Variants in NCKIPSD observed in about 807,000 individuals in gnomAD.
The protein encoded by NCKIPSD is NCK interacting protein with SH3 domain, also known as NCK-interacting protein with SH3 domain.
A neutral mutation model predicts 73.4 loss-of-function variants in NCKIPSD; 48 were observed. The observed-to-expected ratio is 0.65, with a 90% confidence interval of 0.52 to 0.83. NCKIPSD has a LOEUF of 0.83. Ranked by LOEUF, NCKIPSD falls within the 40% of genes least tolerant of loss-of-function variation. The pLI is 0.00. For missense variants in NCKIPSD, 884 were observed against 970.2 expected (o/e 0.91, Z 1.18); for synonymous variants, 422 against 403.6 (o/e 1.05, Z -0.54).
At chr3:48,679,915 A>G in intron 6 of NCKIPSD, 28 bp from the exon 7 acceptor site, 1 of 1,613,890 alleles carries the variant, frequency 6.2e-7, no homozygotes. Context: ...TGAGAGCATC[A>G]GCCACCATGA....
At chr3:48,683,674 G>A (rs914815741) in intron 1 of NCKIPSD, among the ~76,000 whole-genome samples, 3 of 152,198 alleles carry the variant, frequency 2.0e-5, no homozygotes, top group South Asian at 2.1e-4. Flanking sequence ...CCTAGCCCCT[G>A]TTCCAGGCTC....
At chr3:48,675,901 T>C (rs1196937672) in intron 12 of NCKIPSD, among the ~76,000 whole-genome samples, 1 of 152,156 alleles carries the variant, frequency 6.6e-6, no homozygotes, top group Non-Finnish European at 1.5e-5. Flanking sequence ...ACTGACCTGA[T>C]GTCTGCTTCC....
chr3:48,682,777 G>A (rs908970069), intron 2 of NCKIPSD, 126 bp downstream of exon 2: 39 of 1,375,584 alleles, frequency 2.8e-5, no homozygotes, highest in Non-Finnish European at 3.4e-5. Flanking sequence ...ACTGGGAGGT[G>A]CCATTCCCCC....
chr3:48,676,866 G>C (rs1229064545), intron 12 of NCKIPSD, among the ~76,000 whole-genome samples: 1 of 151,496 alleles, frequency 6.6e-6, no homozygotes, highest in Non-Finnish European at 1.5e-5. Context: ...CACCTCCCGG[G>C]TTCAAGCAAT....
In NCKIPSD at chr3:48,681,631, C is replaced by T; in HGVS notation, c.748G>A (p.Gly250Ser). ...ACTTGGGACACGGTGGTGTGGGTGCCTCGGCGGGGCACAGGTGGGGGTGTG... is the reference window on the plus strand; with the variant it reads ...ACTTGGGACACGGTGGTGTGGGTGCTTCGGCGGGGCACAGGTGGGGGTGTG... ...SPTPPPVPRR[G>S]THTTVSQVQP... is the part of the protein sequence containing the mutation. Residue 250 changes from glycine (G) to serine (S), a missense_variant, in exon 5 of 13, where the codon GGC (glycine) becomes AGC (serine). Transcript: ENST00000294129. The T allele has an allele frequency of 1.9e-6, 3 of 1,613,378 alleles. No individual in the cohort carries two copies.
At position 48,680,266 on chromosome 3, in the gene NCKIPSD, C is replaced by G. The variant is rs138333298; in HGVS notation, c.1093-37G>C. On this transcript the variant is annotated intron_variant, in intron 5 of 12. Coordinates refer to ENST00000294129, the MANE Select transcript of NCKIPSD (RefSeq NM_016453.4). Reference sequence around the variant, plus strand: ...GGGCAAGGCATGACTCAGCACACTCCCTGCCCTCACCATCTCCAGGGAGCC... The same window carrying G: ...GGGCAAGGCATGACTCAGCACACTCGCTGCCCTCACCATCTCCAGGGAGCC... 96 of 1,534,884 alleles carry G rather than the reference C, an allele frequency of 6.3e-5. 1 individual carries two copies. In the African/African-American group the frequency reaches 1.3e-3, roughly 20 times the overall value.
At position 48,674,414 on chromosome 3, in the gene NCKIPSD, T is replaced by TGG. The variant is rs1179882713; in HGVS notation, c.*128_*129dup. On this transcript the variant is annotated 3_prime_UTR_variant, in exon 13 of 13. Coordinates refer to ENST00000294129, the MANE Select transcript of NCKIPSD (RefSeq NM_016453.4). ...CCCCTCTCTTAAGTTCTACTTCAGG[T>TGG]GGGGGTCCTGCTCAGGTTCCTTCTG... The TGG allele has an allele frequency of 6.8e-7, 1 of 1,466,634 alleles. No homozygotes were observed. Among genetic ancestry groups the TGG allele is most frequent in the Non-Finnish European group, 9.0e-7 (1 of 1,109,312 alleles). 90.9% of individuals were successfully genotyped at this position (1,466,634 alleles called of 1,614,324 possible). A position where few individuals can be genotyped will look rare whatever the true frequency, so the allele number is the denominator to read the frequency against.
Position 48,680,090 on chromosome 3 carries a change from C to T in NCKIPSD, c.1232G>A (p.Arg411His), listed in dbSNP as rs146581696. The T allele has an allele frequency of 5.0e-6, 8 of 1,613,466 alleles. No homozygotes were observed. The highest frequency in any genetic ancestry group is 4.0e-5 in the African/African-American group (3 of 74,946). ...ATGCAGCAGCTCCTCTAGGTAGCAG[C>T]GGATGACACCCTCATCCTCATATAG... The part of the protein sequence containing the change: ...WALYEDEGVI[R>H]CYLEELLHIL... Residue 411 changes from arginine (R) to histidine (H), a missense_variant, in exon 6 of 13, where the codon CGC becomes CAC. Physicochemically the swap from Arg to His is conservative, Grantham distance 29. Transcript: ENST00000294129.
intron 1 of NCKIPSD, among the ~76,000 whole-genome samples, chr3:48,685,049 A>G (rs2077413196): frequency 6.6e-6 from 1 of 151,044 alleles, no homozygotes. Flanking sequence ...TACATAGGGG[A>G]TGGAGGTGTC....
Position 48,674,447 on chromosome 3 carries a change from A to T in NCKIPSD, c.*97T>A. 1.3e-6 allele frequency: 2 copies of T among 1,494,972 alleles called. No homozygotes were observed. The highest frequency in any genetic ancestry group is 1.8e-6 in the Non-Finnish European group (2 of 1,121,162). The allele number at this position is 1,494,972 out of a possible 1,614,324, so 92.6% of individuals were successfully genotyped here. ...CTGCTCAGGTTCCTTCTGCCACCTT[A>T]TCCCCTCCCACTGTCAGTGCAAAAC... On this transcript the variant is annotated 3_prime_UTR_variant, in exon 13 of 13. Transcript: ENST00000294129.
At chr3:48,684,425 C>T (rs2077403751) in intron 1 of NCKIPSD, among the ~76,000 whole-genome samples, 2 of 152,188 alleles carry the variant, frequency 1.3e-5, no homozygotes, top group Non-Finnish European at 2.9e-5. Context: ...CACACAGCAG[C>T]CATGGTGTCC....
At position 48,674,460 on chromosome 3, in the gene NCKIPSD, G is replaced by A. The variant is rs1431095434; in HGVS notation, c.*84C>T. The A allele has an allele frequency of 6.6e-7, 1 of 1,508,454 alleles. No individual in the cohort carries two copies. The highest frequency in any genetic ancestry group is 1.4e-5 in the African/African-American group (1 of 72,500). The allele number at this position is 1,508,454 out of a possible 1,614,324, so 93.4% of individuals were successfully genotyped here. A position where few individuals can be genotyped will look rare whatever the true frequency, so the allele number is the denominator to read the frequency against. On this transcript the variant is annotated 3_prime_UTR_variant, in exon 13 of 13. Coordinates refer to ENST00000294129, the MANE Select transcript of NCKIPSD (RefSeq NM_016453.4). ...TTCTGCCACCTTATCCCCTCCCACT[G>A]TCAGTGCAAAACATTCTTAGGGCCA...
At position 48,682,092 on chromosome 3, in the gene NCKIPSD, G is replaced by A. The variant is rs140067626; in HGVS notation, c.551C>T (p.Pro184Leu). 1.9e-6 allele frequency: 3 copies of A among 1,601,748 alleles called. No homozygotes were observed. The highest frequency in any genetic ancestry group is 2.5e-6 in the Non-Finnish European group (3 of 1,179,920). ...CTCGCGGTCTCGGCGCTTCACTGGTGGGGGCGGTGTGGTGGGTGCTGCTCG... is the reference window on the plus strand; with the variant it reads ...CTCGCGGTCTCGGCGCTTCACTGGTAGGGGCGGTGTGGTGGGTGCTGCTCG... ...PRRAAPTTPP[P>L]PVKRRDREAL... The change falls in exon 4 of 13, where the codon CCA (proline) becomes CTA (leucine). Residue 184 changes from proline (P) to leucine (L), a missense_variant. By Grantham distance (98) the Pro-to-Leu change is moderately conservative. Transcript: ENST00000294129.
chr3:48,675,303 C>T lies in NCKIPSD; in HGVS notation c.1966-556G>A, dbSNP rs550399815. Reference sequence around the variant, plus strand: ...TTACCTTTAGAAAGAGCACTGTTGCCGATTCAAAAGCACAGGCCTGAAATA... The same window carrying T: ...TTACCTTTAGAAAGAGCACTGTTGCTGATTCAAAAGCACAGGCCTGAAATA... On this transcript the variant is annotated intron_variant, in intron 12 of 12. Transcript: ENST00000294129. Among the ~76,000 whole-genome samples the T allele has an allele frequency of 4.6e-5, 7 of 151,846 alleles. No homozygotes were observed. In the East Asian group the frequency reaches 5.8e-4, roughly 13 times the overall value.
chr3:48,678,826 T>G, intron 11 of NCKIPSD, 51 bp downstream of exon 11: 1 of 1,613,408 alleles, frequency 6.2e-7, no homozygotes, highest in Non-Finnish European at 8.5e-7. Context: ...GCAGGGGTCA[T>G]GGAGTCACAG....
intron 4 of NCKIPSD, 21 bp from the exon 5 acceptor site, chr3:48,681,801 C>T (rs755597470): frequency 6.8e-7 from 1 of 1,474,820 alleles, no homozygotes; most frequent in African/African-American, 1.4e-5. Flanking sequence ...TGAGTAGAAG[C>T]TGGGCCAGGG....
Position 48,679,194 on chromosome 3 carries a change from G to T in NCKIPSD, c.1571-11C>A, listed in dbSNP as rs1349830114. 1.9e-6 allele frequency: 3 copies of T among 1,613,548 alleles called. No homozygotes were observed. In the African/African-American group the frequency reaches 4.0e-5, roughly 22 times the overall value. On this transcript the variant is annotated splice_polypyrimidine_tract_variant and intron_variant, in intron 9 of 12. Coordinates refer to ENST00000294129, the MANE Select transcript of NCKIPSD (RefSeq NM_016453.4). ...GCGTGCCCAGGTGCTCTGGGAGAGGGGCGCACAGAAGTCTGCAGCCCCATT... is the reference window on the plus strand; with the variant it reads ...GCGTGCCCAGGTGCTCTGGGAGAGGTGCGCACAGAAGTCTGCAGCCCCATT...
At chr3:48,681,019 T>G (rs1177952905) in intron 5 of NCKIPSD, among the ~76,000 whole-genome samples, 1 of 152,154 alleles carries the variant, frequency 6.6e-6, no homozygotes, top group East Asian at 1.9e-4. Flanking sequence ...CCTCACTCCC[T>G]GTGTTCCAGT....
chr3:48,681,098 T>C, intron 5 of NCKIPSD, 189 bp downstream of exon 5: 1 of 864,502 alleles, frequency 1.2e-6, no homozygotes, highest in Non-Finnish European at 1.7e-6. Context: ...TTGTCCAGGC[T>C]GCGCATCTGC....
Sources: gnomAD v4.1 joint callset for allele counts (sites outside exome capture counted in the v4.1 genomes callset) on GRCh38, gnomAD v4.1.1 for gene constraint, MANE v1.5 for transcripts, NCBI Gene and HGNC (gene_info 2026-07-23, HGNC 2026-07-21) for gene names.